SOX6: variants seen among roughly 807,000 people sequenced by gnomAD.
The protein encoded by SOX6 is SRY-box transcription factor 6.
Under a neutral mutation model 97.8 loss-of-function variants are expected in SOX6, and 11 were observed. The observed-to-expected ratio is 0.11, with a 90% CI of 0.07 to 0.19. SOX6 has a LOEUF of 0.19. Ranked by LOEUF, SOX6 falls within the 10% of genes least tolerant of loss-of-function variation. The pLI, the probability that SOX6 is intolerant of heterozygous loss-of-function variation, is 1.00. For synonymous variants in SOX6, 360 were observed against 371.4 expected, an observed-to-expected ratio of 0.97 and a Z score of 0.35; for missense variants, 810 against 1,039.5, an observed-to-expected ratio of 0.78 and a Z score of 3.04.
chr11:16,566,095 CAA>C (rs67916329), intron 4 of SOX6, among the ~76,000 whole-genome samples: 43 of 98,760 alleles, frequency 4.4e-4, no homozygotes, highest in East Asian at 1.1e-3. Context: ...GACTCCGTCT[CAA>C]AAAAAAAAAA....
chr11:16,529,183 T>G (rs1307969815), intron 4 of SOX6, among the ~76,000 whole-genome samples: 3 of 152,066 alleles, frequency 2.0e-5, no homozygotes, highest in African/African-American at 7.2e-5. Context: ...ATTCAAGAAT[T>G]AAAACACTGA....
chr11:16,641,599 G>A (rs1564856246), intron 3 of SOX6, among the ~76,000 whole-genome samples: 1 of 152,172 alleles, frequency 6.6e-6, no homozygotes, highest in African/African-American at 2.4e-5. Context: ...CCTGTATTGG[G>A]TGCATATATA....
chr11:16,278,124 T>C (rs1478678120), intron 3 of SOX6, among the ~76,000 whole-genome samples: 1 of 152,182 alleles, frequency 6.6e-6, no homozygotes, highest in Non-Finnish European at 1.5e-5. Flanking sequence ...AGTTACCTTA[T>C]CTCAACCATT....
intron 4 of SOX6, among the ~76,000 whole-genome samples, chr11:16,558,134 G>C (rs1847769097): frequency 6.6e-6 from 1 of 151,954 alleles, no homozygotes. Flanking sequence ...AAAGCAGGAA[G>C]AGATATCTTG....
At chr11:16,262,900 G>A (rs1409004271) in intron 3 of SOX6, among the ~76,000 whole-genome samples, 1 of 151,910 alleles carries the variant, frequency 6.6e-6, no homozygotes, top group Non-Finnish European at 1.5e-5. Flanking sequence ...ATGGCTATGT[G>A]ACAGTTCCAA....
chr11:16,304,257 T>C (rs1170467060), intron 3 of SOX6, among the ~76,000 whole-genome samples: 1 of 152,142 alleles, frequency 6.6e-6, no homozygotes, highest in Non-Finnish European at 1.5e-5. Flanking sequence ...TGTTGCTGTG[T>C]TCTGAATTTT....
At position 16,610,853 on chromosome 11, in the gene SOX6, G is replaced by A. The variant is rs1848388397; in HGVS notation, n.609+1228C>T. On this transcript the variant is annotated intron_variant and non_coding_transcript_variant, in intron 4 of 5. Transcript: ENST00000524520. This position sits in a 1 kb window ranked among gnomAD's most constrained non-coding sequence, Gnocchi z 4.4. ...GCTGGGCTCTCCACCTACCTGGTGCGCACCGGCCTGCGGGCTCGGAGAAGT... is the reference window on the plus strand; with the variant it reads ...GCTGGGCTCTCCACCTACCTGGTGCACACCGGCCTGCGGGCTCGGAGAAGT... 6.6e-6 allele frequency among the ~76,000 whole-genome samples: 1 copy of A among 152,172 alleles called. No individual in the cohort carries two copies. Among genetic ancestry groups the A allele is most frequent in the Admixed American group, 6.5e-5 (1 of 15,292 alleles).
At chr11:16,414,708 CAGA>C (rs1858892092) in intron 1 of SOX6, among the ~76,000 whole-genome samples, 3 of 152,086 alleles carry the variant, frequency 2.0e-5, no homozygotes, top group South Asian at 4.1e-4. Flanking sequence ...GGCGAGATCA[CAGA>C]AGACTACAAG....
rs149959183 is a variant in SOX6 at position 16,326,496 on chromosome 11, T to C, written c.238-7843A>G. On this transcript the variant is annotated intron_variant, in intron 2 of 15. Transcript: ENST00000683767. ...CAAATCCAATGTTTTTTCTAATCCA[T>C]AGGGCTACAGTTTTTTTTAAAAAAA... Among the ~76,000 whole-genome samples the C allele has an allele frequency of 6.8e-4, 103 of 152,116 alleles. No homozygotes were observed. In the East Asian group the frequency reaches 0.018, roughly 26 times the overall value.
At chr11:16,136,166 G>T (rs530657255) in intron 6 of SOX6, among the ~76,000 whole-genome samples, 1 of 151,286 alleles carries the variant, frequency 6.6e-6, no homozygotes, top group Non-Finnish European at 1.5e-5. Context: ...CTACAGTTGC[G>T]CACCAACACG....
intron 3 of SOX6, among the ~76,000 whole-genome samples, chr11:16,304,740 C>T (rs535199722): frequency 1.3e-5 from 2 of 152,054 alleles, no homozygotes; most frequent in African/African-American, 4.8e-5. Context: ...TTGTTTTGTT[C>T]TGTTTTATTT....
intron 15 of SOX6, among the ~76,000 whole-genome samples, chr11:15,983,396 T>C (rs1469141057): frequency 2.0e-5 from 3 of 152,160 alleles, no homozygotes; most frequent in African/African-American, 7.2e-5. Flanking sequence ...CACAGTTGTG[T>C]AGTCAGTAAA....
rs72632978 is a variant in SOX6 at position 16,495,389 on chromosome 11, G to A, written n.610-19001C>T. 2.7e-3 allele frequency among the ~76,000 whole-genome samples: 414 copies of A among 152,256 alleles called. 11 individuals are homozygous for A. The East Asian group carries it at 0.067, about 24-fold the overall frequency. Reference sequence around the variant, plus strand: ...AGTGCCCATATGTACCACCAAGGGGGACTTGGGACAGATCCACCTGGCAGT... The same window carrying A: ...AGTGCCCATATGTACCACCAAGGGGAACTTGGGACAGATCCACCTGGCAGT... On this transcript the variant is annotated intron_variant and non_coding_transcript_variant, in intron 4 of 5. Coordinates refer to the SOX6 transcript ENST00000524520.
chr11:16,527,160 G>C (rs748958143), intron 4 of SOX6, among the ~76,000 whole-genome samples: 2 of 151,054 alleles, frequency 1.3e-5, no homozygotes, highest in Non-Finnish European at 2.9e-5. Context: ...AATTCCTAGA[G>C]CACTGAAGAG....
chr11:16,081,514 T>C (rs1564944207), intron 9 of SOX6, among the ~76,000 whole-genome samples: 1 of 152,110 alleles, frequency 6.6e-6, no homozygotes, highest in Non-Finnish European at 1.5e-5. Flanking sequence ...CCTAGAAAAC[T>C]CTCATTACAT....
chr11:16,010,400 T>A (rs1854683577), intron 13 of SOX6, among the ~76,000 whole-genome samples: 1 of 151,920 alleles, frequency 6.6e-6, no homozygotes, highest in African/African-American at 2.4e-5. Context: ...CCAAATATAA[T>A]CCCTTTCAGA....
At chr11:16,407,465 C>A (rs1010081939) in intron 1 of SOX6, among the ~76,000 whole-genome samples, 1 of 152,116 alleles carries the variant, frequency 6.6e-6, no homozygotes, top group Non-Finnish European at 1.5e-5. Context: ...AAAGTATCCA[C>A]GATGATTGCA....
chr11:16,446,341 A>G (rs1195048260), intron 1 of SOX6, among the ~76,000 whole-genome samples: 1 of 152,086 alleles, frequency 6.6e-6, no homozygotes, highest in Non-Finnish European at 1.5e-5. Context: ...TTAAATTTAG[A>G]AATGTGGCAG....
intron 3 of SOX6, among the ~76,000 whole-genome samples, chr11:16,691,354 A>G (rs545056296): frequency 6.6e-6 from 1 of 152,388 alleles, no homozygotes; most frequent in Admixed American, 6.5e-5. Context: ...GAATATCAGA[A>G]TGATGTTTCC....
Sources: allele counts gnomAD v4.1 joint callset (sites outside exome capture counted in the v4.1 genomes callset), GRCh38; gene constraint gnomAD v4.1.1; non-coding constraint Gnocchi (gnomAD v3.1); transcripts MANE v1.5; gene names NCBI Gene and HGNC (gene_info 2026-07-23, HGNC 2026-07-21).